Variants in COL10A1 observed in about 807,000 individuals in gnomAD.
COL10A1 encodes collagen type X alpha 1 chain, also known as collagen alpha-1(X) chain.
In COL10A1, 10 loss-of-function variants were observed where a neutral mutation model predicts 18.2. That is an observed-to-expected ratio of 0.55 (90% CI 0.34 to 0.93). COL10A1 has a LOEUF of 0.93. Among genes scored for constraint, COL10A1 ranks in the 40% least tolerant of loss-of-function variants. The probability of loss-of-function intolerance (pLI) is 0.02; values close to 1 mark genes in which losing one functional copy is unlikely to be tolerated. For missense variants in COL10A1, 897 were observed against 853.5 expected, an observed-to-expected ratio of 1.05 and a Z score of -0.64; for synonymous variants, 330 against 316.6, an observed-to-expected ratio of 1.04 and a Z score of -0.45.
intron 1 of COL10A1, among the ~76,000 whole-genome samples, chr6:116,132,349 A>G (rs1779489821): frequency 6.6e-6 from 1 of 152,172 alleles, no homozygotes; most frequent in Non-Finnish European, 1.5e-5. Context: ...GTATCTTTTC[A>G]TATAGCTTAG....
intron 1 of COL10A1, among the ~76,000 whole-genome samples, chr6:116,148,844 A>G (rs540112220): frequency 2.0e-5 from 3 of 152,302 alleles, no homozygotes; most frequent in Admixed American, 6.5e-5. Context: ...AAAGTAAAGC[A>G]TAACAGGGAA....
At chr6:116,178,133 G>T in the COL10A1 span, among the ~76,000 whole-genome samples, 5 of 146,068 alleles carry the variant, frequency 3.4e-5, no homozygotes, top group Admixed American at 6.9e-5. Flanking sequence ...GTGTGTGTGT[G>T]TTTACTAGTG....
At chr6:116,213,187 G>A in the COL10A1 span, among the ~76,000 whole-genome samples, 1 of 152,038 alleles carries the variant, frequency 6.6e-6, no homozygotes, top group African/African-American at 2.4e-5. Flanking sequence ...AAACGTGGGG[G>A]TCTCTCCTGT....
the COL10A1 span, among the ~76,000 whole-genome samples, chr6:116,198,244 A>G: frequency 2.0e-5 from 3 of 152,068 alleles, no homozygotes; most frequent in African/African-American, 7.2e-5. Flanking sequence ...TCACCCATTC[A>G]TTCAAAGCCA....
In COL10A1 at chr6:116,120,804, C is replaced by T. The variant is rs199868902; in HGVS notation, c.1312G>A (p.Glu438Lys). 128 of 1,612,786 alleles carry T rather than the reference C, an allele frequency of 7.9e-5. 1 individual carries two copies. The African/African-American group carries it at 1.6e-3, about 20-fold the overall frequency. ...CCAGGGGCACCTCTTGGGCCAGCCT[C>T]TCCATTGTGTCCGGGCATTCCCTTT... is the stretch of plus-strand genomic sequence containing the variant. ...GAKGMPGHNG[E>K]AGPRGAPGIP... The change falls in exon 3 of 3, where the codon GAG becomes AAG. Residue 438 changes from glutamate to lysine, a missense_variant. Glu to Lys is a moderately conservative substitution (Grantham distance 56, BLOSUM62 1). Coordinates refer to ENST00000651968, the MANE Select transcript of COL10A1 (RefSeq NM_000493.4).
At chr6:116,174,002 ACG>A in the COL10A1 span, among the ~76,000 whole-genome samples, 1 of 152,178 alleles carries the variant, frequency 6.6e-6, no homozygotes, top group Non-Finnish European at 1.5e-5. Flanking sequence ...AGTGCTAGCC[ACG>A]TATTTTATAA....
At chr6:116,144,020 A>AT (rs34260183) in intron 1 of COL10A1, among the ~76,000 whole-genome samples, 1 of 152,142 alleles carries the variant, frequency 6.6e-6, no homozygotes, top group Non-Finnish European at 1.5e-5. Flanking sequence ...TATCATTATG[A>AT]TTTTTCACAC....
chr6:116,133,316 CA>C (rs1192078932), intron 1 of COL10A1, among the ~76,000 whole-genome samples: 1 of 152,176 alleles, frequency 6.6e-6, no homozygotes, highest in Non-Finnish European at 1.5e-5. Flanking sequence ...CTTTCACATG[CA>C]GTTTCTGCTA....
rs1779140018 is a variant in COL10A1 at position 116,121,823 on chromosome 6, C to T, written c.293G>A (p.Gly98Glu). The change falls in exon 3 of 3, where the codon GGA (glycine) becomes GAA (glutamate). Residue 98 changes from glycine (G) to glutamate (E), a missense_variant. Gly to Glu is a moderately conservative substitution (Grantham distance 98). Coordinates refer to ENST00000651968, the MANE Select transcript of COL10A1 (RefSeq NM_000493.4). ...CCCTACAGCTGATGGTCCCGGTGGT[C>T]CTGGCAACCCTGGCTCTCCTTGGAG... is the stretch of plus-strand genomic sequence containing the variant. ...PGLQGEPGLP[G>E]PPGPSAVGKP... 1 of 1,613,944 alleles carries T rather than the reference C, an allele frequency of 6.2e-7. No individual in the cohort carries two copies. The highest frequency in any genetic ancestry group is 8.5e-7 in the Non-Finnish European group (1 of 1,179,962).
chr6:116,165,082 G>A, the COL10A1 span, among the ~76,000 whole-genome samples: 2 of 129,716 alleles, frequency 1.5e-5, no homozygotes, highest in Admixed American at 1.6e-4. Flanking sequence ...AGGCGACAGA[G>A]CGAGACTCCG....
chr6:116,208,534 A>G, the COL10A1 span, among the ~76,000 whole-genome samples: 1 of 152,084 alleles, frequency 6.6e-6, no homozygotes, highest in African/African-American at 2.4e-5. Context: ...GTAAGGCTGT[A>G]CTTAGGCAAT....
In COL10A1 at chr6:116,121,554, T is replaced by C. The variant is rs1779128307; in HGVS notation, c.562A>G (p.Lys188Glu). ...GGAGCACCATATCCCATTTCCCCTT[T>C]CTGTCCATTCATACCAGGGACTCCT... Reference protein sequence around the residue: ...APGVPGMNGQKGEMGYGAPGR... With the variant: ...APGVPGMNGQEGEMGYGAPGR... Residue 188 changes from lysine to glutamate, a missense_variant, in exon 3 of 3, where the codon AAA becomes GAA. Transcript: ENST00000651968. 5 of 1,613,914 alleles carry C rather than the reference T, an allele frequency of 3.1e-6. No individual in the cohort carries two copies. Among genetic ancestry groups the C allele is most frequent in the Non-Finnish European group, 4.2e-6 (5 of 1,179,974 alleles).
the COL10A1 span, among the ~76,000 whole-genome samples, chr6:116,206,571 T>A: frequency 6.6e-6 from 1 of 152,108 alleles, no homozygotes; most frequent in East Asian, 1.9e-4. Flanking sequence ...AGCTTTTCAG[T>A]AGAAATGGAA....
upstream of COL10A1, among the ~76,000 whole-genome samples, chr6:116,161,893 T>C (rs1463624342): frequency 3.9e-5 from 6 of 152,222 alleles, no homozygotes; most frequent in African/African-American, 1.4e-4. Flanking sequence ...TTGTGTCATC[T>C]ACAGTTTCAT....
chr6:116,199,390 A>T, the COL10A1 span, among the ~76,000 whole-genome samples: 2 of 152,236 alleles, frequency 1.3e-5, no homozygotes, highest in East Asian at 3.9e-4. Context: ...GTTTTATTCC[A>T]ACACTGCTAT....
At chr6:116,122,247 A>C (rs1222053838) in intron 2 of COL10A1, among the ~76,000 whole-genome samples, 1 of 152,230 alleles carries the variant, frequency 6.6e-6, no homozygotes, top group Non-Finnish European at 1.5e-5. Flanking sequence ...GAATAAGTGC[A>C]GTGGAGGTAA....
intron 1 of COL10A1, among the ~76,000 whole-genome samples, chr6:116,149,631 C>T (rs1327498141): frequency 1.3e-5 from 2 of 151,970 alleles, no homozygotes; most frequent in East Asian, 1.9e-4. Flanking sequence ...ATTGTTTTTC[C>T]AAAAAAGCCC....
At chr6:116,207,640 A>T in the COL10A1 span, among the ~76,000 whole-genome samples, 1 of 152,098 alleles carries the variant, frequency 6.6e-6, no homozygotes, top group South Asian at 2.1e-4. Context: ...GCAGTGTGAA[A>T]AAGGCAAAAA....
chr6:116,133,522 C>G (rs1779518577), intron 1 of COL10A1, among the ~76,000 whole-genome samples: 1 of 152,130 alleles, frequency 6.6e-6, no homozygotes, highest in South Asian at 2.1e-4. Context: ...ACCTATAGGG[C>G]ACCTGAGTAC....
Sources: gnomAD v4.1 joint callset for allele counts (sites outside exome capture counted in the v4.1 genomes callset) on GRCh38, gnomAD v4.1.1 for gene constraint, MANE v1.5 for transcripts, NCBI Gene and HGNC (gene_info 2026-07-23, HGNC 2026-07-21) for gene names.